SPACA3: variants seen among roughly 807,000 people sequenced by gnomAD.
The protein encoded by SPACA3 is sperm acrosome associated 3, also known as sperm acrosome membrane-associated protein 3.
In SPACA3, 21 loss-of-function variants were observed where a neutral mutation model predicts 24.5. The ratio of observed to expected loss-of-function variants is 0.86; its 90% CI spans 0.61 to 1.24. The LOEUF (loss-of-function observed/expected upper bound fraction) is 1.24. Ranked by LOEUF, SPACA3 falls within the 50% of genes most tolerant of loss-of-function variation. SPACA3 has a pLI of 0.00. For missense variants in SPACA3, 278 were observed against 275.5 expected, an observed-to-expected ratio of 1.01 and a Z score of -0.06; for synonymous variants, 115 against 106.9, an observed-to-expected ratio of 1.08 and a Z score of -0.47.
At chr17:32,993,150 G>A in intron 1 of SPACA3, 1 of 366,960 alleles carries the variant, frequency 2.7e-6, no homozygotes, top group South Asian at 2.1e-5. Context: ...TAAATGTGTG[G>A]CCCATCATGT....
rs143161448 is a variant in SPACA3 at position 32,993,594 on chromosome 17, C to T, written c.34+1622C>T. On this transcript the variant is annotated intron_variant, in intron 1 of 4. Coordinates refer to ENST00000269053, the MANE Select transcript of SPACA3 (RefSeq NM_173847.5). ...GCTGAGAGCTCCCATGAGACAGAGT[C>T]GAAGGGGGCCTCCTTGGACCCGCAG... is the stretch of plus-strand genomic sequence containing the variant. Among the ~76,000 whole-genome samples, 843 of 152,116 alleles carry T rather than the reference C, an allele frequency of 5.5e-3. 5 individuals carry two copies. The highest frequency in any genetic ancestry group is 7.7e-3 in the East Asian group (40 of 5,162).
chr17:32,993,603 C>G (rs1005299835), intron 1 of SPACA3, among the ~76,000 whole-genome samples: 2 of 152,012 alleles, frequency 1.3e-5, no homozygotes, highest in African/African-American at 4.8e-5. Context: ...TCGAAGGGGG[C>G]CTCCTTGGAC....
intron 1 of SPACA3, among the ~76,000 whole-genome samples, chr17:32,993,835 C>T (rs184953126): frequency 6.5e-4 from 99 of 152,004 alleles, no homozygotes; most frequent in African/African-American, 2.3e-3. Context: ...AGGAGGGGAA[C>T]GGTGCTAGCG....
chr17:32,997,102 C>G, intron 3 of SPACA3, 101 bp downstream of exon 3: 2 of 1,331,390 alleles, frequency 1.5e-6, no homozygotes, highest in Non-Finnish European at 2.0e-6. Context: ...AGTGAGGGTT[C>G]CCCCACATCA....
chr17:32,997,592 A>T, intron 4 of SPACA3, 69 bp downstream of exon 4: 1 of 1,556,440 alleles, frequency 6.4e-7, no homozygotes, highest in Non-Finnish European at 8.9e-7. Flanking sequence ...GCAGGGAACA[A>T]ACCCCTTTCC....
intron 2 of SPACA3, among the ~76,000 whole-genome samples, chr17:32,996,197 G>A (rs1453669993): frequency 6.6e-6 from 1 of 152,160 alleles, no homozygotes; most frequent in African/African-American, 2.4e-5. Flanking sequence ...TGAAGATTTA[G>A]CACTTGTAGG....
chr17:32,995,915 A>G (rs2091719178), intron 2 of SPACA3, among the ~76,000 whole-genome samples, 198 bp downstream of exon 2: 1 of 152,178 alleles, frequency 6.6e-6, no homozygotes, highest in South Asian at 2.1e-4. Flanking sequence ...CAGGCAACCA[A>G]ATTGGAGTCA....
Position 32,991,924 on chromosome 17 carries a change from G to A in SPACA3, c.-15G>A. The A allele has an allele frequency of 4.3e-6, 7 of 1,613,982 alleles. No homozygotes were observed. The highest frequency in any genetic ancestry group is 5.9e-6 in the Non-Finnish European group (7 of 1,179,960). On this transcript the variant is annotated 5_prime_UTR_variant, in exon 1 of 5. Coordinates refer to ENST00000269053, the MANE Select transcript of SPACA3 (RefSeq NM_173847.5). ...AGCAGGGTTTTGAGCCACTGCTGCT[G>A]CTGCCATTGTCACCATGGTCTCAGC...
At chr17:32,997,374 C>T (rs1173482625) in intron 3 of SPACA3, 71 bp from the exon 4 acceptor site, 17 of 1,168,278 alleles carry the variant, frequency 1.5e-5, no homozygotes, top group Non-Finnish European at 2.2e-5. Flanking sequence ...GACAGATACA[C>T]ACTCACACAC....
In SPACA3 at chr17:32,996,853, T is replaced by A; in HGVS notation, c.354T>A (p.Leu118=). ...RGYSLADWVC[L]AYFTSGFNAA... is the part of the protein sequence containing the mutation. Reference sequence around the variant, plus strand: ...CTCTGCCCTATGCAGGGGTCTGCCTTGCTTATTTCACAAGCGGTTTCAACG... The same window carrying A: ...CTCTGCCCTATGCAGGGGTCTGCCTAGCTTATTTCACAAGCGGTTTCAACG... Residue 118 remains leucine (L), a synonymous_variant, in exon 3 of 5, where the codon CTT becomes CTA. Transcript: ENST00000269053. The A allele has an allele frequency of 1.3e-6, 2 of 1,597,378 alleles. No individual in the cohort carries two copies. Among genetic ancestry groups the A allele is most frequent in the Non-Finnish European group, 1.7e-6 (2 of 1,171,590 alleles).
Position 32,996,968 on chromosome 17 carries a change from A to C in SPACA3, c.469A>C (p.Asn157His). ...GAGGTGGTGCAGCAACCTCACCCCGAACGTCCCCAACGTGTGCCGGATGTA... is the reference window on the plus strand; with the variant it reads ...GAGGTGGTGCAGCAACCTCACCCCGCACGTCCCCAACGTGTGCCGGATGTA... ...SRRWCSNLTP[N>H]VPNVCRMYCS... Residue 157 changes from asparagine (N) to histidine (H), a missense_variant, in exon 3 of 5, where the codon AAC (asparagine) becomes CAC (histidine). Coordinates refer to ENST00000269053, the MANE Select transcript of SPACA3 (RefSeq NM_173847.5). The C allele has an allele frequency of 6.3e-7, 1 of 1,584,944 alleles. No homozygotes were observed. The highest frequency in any genetic ancestry group is 8.6e-7 in the Non-Finnish European group (1 of 1,165,702).
chr17:32,993,971 G>A (rs1474813787), intron 1 of SPACA3, among the ~76,000 whole-genome samples: 1 of 152,118 alleles, frequency 6.6e-6, no homozygotes, highest in African/African-American at 2.4e-5. Flanking sequence ...ACGGGGTGGA[G>A]ATGAGGGCGA....
chr17:32,992,873 G>T (rs2091698331), intron 1 of SPACA3: 2 of 470,934 alleles, frequency 4.2e-6, no homozygotes, highest in Admixed American at 4.7e-5. Context: ...GGCAGTTATG[G>T]TGGGAGCCAT....
chr17:32,995,736 G>C lies in SPACA3; in HGVS notation c.343+19G>C, dbSNP rs749983803. On this transcript the variant is annotated intron_variant, in intron 2 of 4. Transcript: ENST00000269053. ...GCTGACTGTGAGAACCCCTCTCCCT[G>C]GCGGGCCCTGACTTCCCCACACCTC... 2 of 1,603,380 alleles carry C rather than the reference G, an allele frequency of 1.2e-6. No individual in the cohort carries two copies. Among genetic ancestry groups the C allele is most frequent in the South Asian group, 2.2e-5 (2 of 90,016 alleles).
At position 32,995,467 on chromosome 17, in the gene SPACA3, CT is replaced by C. The variant is rs1410634277; in HGVS notation, c.94del (p.Cys32AlafsTer9). The C allele has an allele frequency of 1.2e-6, 2 of 1,613,350 alleles. No individual in the cohort carries two copies. Among genetic ancestry groups the C allele is most frequent in the African/African-American group, 2.7e-5 (2 of 74,916 alleles). The stretch of plus-strand genomic sequence containing the variant: ...TGAGTGGACCACGGAGGCTGGTGAG[CT>C]GCCTGTCATCCCAAAGCTCAGCTCT... ...SVSGPRRLVS[C>X]LSSQSSALSQ... On this transcript the variant is annotated frameshift_variant, in exon 2 of 5. Transcript: ENST00000269053. LOFTEE classifies it high-confidence loss of function.
chr17:32,993,928 G>A (rs943948414), intron 1 of SPACA3, among the ~76,000 whole-genome samples: 10 of 152,094 alleles, frequency 6.6e-5, no homozygotes, highest in African/African-American at 1.9e-4. Flanking sequence ...AGATGGGCCT[G>A]CATGAGATTG....
intron 1 of SPACA3, chr17:32,992,870 A>G (rs1261631070): frequency 4.2e-6 from 2 of 470,678 alleles, no homozygotes; most frequent in Admixed American, 2.4e-5. Context: ...AGGGGCAGTT[A>G]TGGTGGGAGC....
chr17:32,995,130 G>A (rs2091713665), intron 1 of SPACA3, among the ~76,000 whole-genome samples: 2 of 152,192 alleles, frequency 1.3e-5, no homozygotes, highest in Admixed American at 6.5e-5. Flanking sequence ...TGCTCAGTGG[G>A]GCTTTGGATT....
chr17:32,992,282 T>C (rs371635276), intron 1 of SPACA3, among the ~76,000 whole-genome samples: 1 of 151,960 alleles, frequency 6.6e-6, no homozygotes, highest in African/African-American at 2.4e-5. Flanking sequence ...CCCACACCTT[T>C]CAATTGCTGA....
Sources: gnomAD v4.1 joint callset for allele counts (sites outside exome capture counted in the v4.1 genomes callset) on GRCh38, gnomAD v4.1.1 for gene constraint, MANE v1.5 for transcripts, NCBI Gene and HGNC (gene_info 2026-07-23, HGNC 2026-07-21) for gene names.